The following ABHD2 variants were observed in gnomAD, a reference collection of about 807,000 sequenced individuals.
ABHD2 encodes the protein abhydrolase domain containing 2, acylglycerol lipase, also known as monoacylglycerol lipase ABHD2.
In ABHD2, 20 loss-of-function variants were observed where a neutral mutation model predicts 48.1. That is an observed-to-expected ratio of 0.42 (90% CI 0.29 to 0.60). The LOEUF (loss-of-function observed/expected upper bound fraction) is 0.60, where lower values mean the gene tolerates loss of function less well. Among genes scored for constraint, ABHD2 ranks in the 20% least tolerant of loss-of-function variants. ABHD2 has a pLI of 0.24. For synonymous variants in ABHD2, 209 were observed against 214.2 expected (o/e 0.98, Z 0.21); for missense variants, 405 against 550.9 (o/e 0.74, Z 2.65).
intron 5 of ABHD2, among the ~76,000 whole-genome samples, chr15:89,157,545 A>G (rs964508756): frequency 1.3e-5 from 2 of 152,164 alleles, no homozygotes; most frequent in African/African-American, 4.8e-5. Context: ...CAGTAGCTTG[A>G]AAATATAGGT....
intron 1 of ABHD2, among the ~76,000 whole-genome samples, chr15:89,101,647 G>A (rs2049702470): frequency 6.6e-6 from 1 of 152,198 alleles, no homozygotes; most frequent in Admixed American, 6.5e-5. Context: ...CAACAGAGAT[G>A]AAAGAGATAT....
chr15:89,085,683 C>T (rs1397056259), upstream of ABHD2, among the ~76,000 whole-genome samples: 1 of 152,182 alleles, frequency 6.6e-6, no homozygotes, highest in Non-Finnish European at 1.5e-5. The surrounding 1 kb of genome is among the most constrained non-coding windows in gnomAD (Gnocchi z 4.2). Flanking sequence ...GTGGCTGAAC[C>T]TATGTTCCTG....
At chr15:89,171,038 C>A (rs1186306325) in intron 5 of ABHD2, among the ~76,000 whole-genome samples, 1 of 152,120 alleles carries the variant, frequency 6.6e-6, no homozygotes, top group African/African-American at 2.4e-5. Flanking sequence ...ATCGTTTGAA[C>A]CCGGGAGGCA....
chr15:89,150,783 A>G (rs1470003592), intron 3 of ABHD2, among the ~76,000 whole-genome samples: 1 of 152,232 alleles, frequency 6.6e-6, no homozygotes, highest in East Asian at 1.9e-4. Context: ...TTTATATTAT[A>G]CGACTCCAGT....
chr15:89,158,717 T>C (rs982120260), intron 5 of ABHD2, among the ~76,000 whole-genome samples: 1 of 152,154 alleles, frequency 6.6e-6, no homozygotes, highest in Admixed American at 6.5e-5. Flanking sequence ...TGTTTTGTTT[T>C]GTTTTGTTTT....
chr15:89,164,965 A>G lies in ABHD2; in HGVS notation c.538+9431A>G, dbSNP rs1226494431. ...ATGACCTTACCTCTGCATCCAGTTCATACAGTTGACCTCATGTGAACTTTG... is the reference window on the plus strand; with the variant it reads ...ATGACCTTACCTCTGCATCCAGTTCGTACAGTTGACCTCATGTGAACTTTG... On this transcript the variant is annotated intron_variant, in intron 5 of 10. Coordinates refer to ENST00000352732, the MANE Select transcript of ABHD2 (RefSeq NM_152924.5). The surrounding 1 kb of genome is among the most constrained non-coding windows in gnomAD (Gnocchi z 5.0). 6.6e-6 allele frequency among the ~76,000 whole-genome samples: 1 copy of G among 152,236 alleles called. No homozygotes were observed. The highest frequency in any genetic ancestry group is 1.5e-5 in the Non-Finnish European group (1 of 68,028).
chr15:89,129,941 A>C (rs1198492771), intron 3 of ABHD2, among the ~76,000 whole-genome samples: 1 of 152,226 alleles, frequency 6.6e-6, no homozygotes, highest in Admixed American at 6.5e-5. Context: ...GACATAATGT[A>C]CACGAAGGTC....
At chr15:89,098,831 A>G (rs1008201932) in intron 1 of ABHD2, among the ~76,000 whole-genome samples, 12 of 152,238 alleles carry the variant, frequency 7.9e-5, no homozygotes, top group Non-Finnish European at 1.6e-4. Flanking sequence ...ACATCGCAAG[A>G]GAAATCAGCA....
the ABHD2 span, among the ~76,000 whole-genome samples, chr15:89,065,344 G>T: frequency 6.6e-6 from 1 of 152,130 alleles, no homozygotes; most frequent in Non-Finnish European, 1.5e-5. Flanking sequence ...TTAATTAAGG[G>T]TGTAGAATAA....
rs1000805638 is a variant in ABHD2 at position 89,154,701 on chromosome 15, T to C, written c.371-666T>C. Among the ~76,000 whole-genome samples, 7 of 152,254 alleles carry C rather than the reference T, an allele frequency of 4.6e-5. No homozygotes were observed. In the East Asian group the frequency reaches 1.3e-3, roughly 29 times the overall value. On this transcript the variant is annotated intron_variant, in intron 4 of 10. Transcript: ENST00000352732. ...TGGAAGAGCTTGCCACATGAGTGTA[T>C]ATAAAGATGTCTCATTATTTTTAAG...
upstream of ABHD2, among the ~76,000 whole-genome samples, chr15:89,085,704 A>G (rs112419877): frequency 6.6e-6 from 1 of 152,204 alleles, no homozygotes; most frequent in Non-Finnish European, 1.5e-5. This position sits in a 1 kb window ranked among gnomAD's most constrained non-coding sequence, Gnocchi z 4.2. Flanking sequence ...AGATGGGAGA[A>G]AAAAGCCATT....
At chr15:89,170,691 T>C (rs80327010) in intron 5 of ABHD2, among the ~76,000 whole-genome samples, 8,356 of 152,232 alleles carry the variant, frequency 0.055, 813 homozygotes, top group African/African-American at 0.19. Flanking sequence ...TACCCACACT[T>C]CTTCCAGTCC....
At chr15:89,087,879 T>G (rs1433678286), upstream of ABHD2, 1 of 152,224 alleles carries the variant, frequency 6.6e-6, no homozygotes, top group Non-Finnish European at 1.5e-5. This position sits in a 1 kb window ranked among gnomAD's most constrained non-coding sequence, Gnocchi z 5.5. Flanking sequence ...TTTCCTCTCC[T>G]TCGGGTTCGG....
chr15:89,074,597 A>G, the ABHD2 span, among the ~76,000 whole-genome samples: 1 of 152,196 alleles, frequency 6.6e-6, no homozygotes, highest in Admixed American at 6.5e-5. Context: ...AATGGAAATG[A>G]AAGAGTCTGG....
Position 89,184,587 on chromosome 15 carries a change from GTGTT to G in ABHD2, c.723-832_723-829del, listed in dbSNP as rs764836026. 3.3e-5 allele frequency among the ~76,000 whole-genome samples: 5 copies of G among 152,238 alleles called. No individual in the cohort carries two copies. Among genetic ancestry groups the G allele is most frequent in the Non-Finnish European group, 5.9e-5 (4 of 68,042 alleles). On this transcript the variant is annotated intron_variant, in intron 6 of 10. Transcript: ENST00000352732. The surrounding 1 kb of genome is among the most constrained non-coding windows in gnomAD (Gnocchi z 5.1). The stretch of plus-strand genomic sequence containing the variant: ...ATGGCTGGTGGGAGTGAGCCCACTG[GTGTT>G]TGTTCACCTGCTGTGTGGTCATGGA...
rs748983183 is a variant in ABHD2, at chr15:89,170,080, C to CTT, written c.539-5700_539-5699dup. 8.5e-3 allele frequency among the ~76,000 whole-genome samples: 320 copies of CTT among 37,498 alleles called. 90 individuals are homozygous for CTT. Among genetic ancestry groups the CTT allele is most frequent in the Admixed American group, 0.034 (63 of 1,852 alleles). 24.6% of individuals were successfully genotyped at this position (37,498 alleles called of 152,430 possible). The stretch of plus-strand genomic sequence containing the variant: ...GAGCCATTCCATGTCAGATCAGATT[C>CTT]TTTTTTTTTTTTTTTTTTTTTTTTT... On this transcript the variant is annotated intron_variant, in intron 5 of 10. Coordinates refer to ENST00000352732, the MANE Select transcript of ABHD2 (RefSeq NM_152924.5).
chr15:89,068,329 G>A, the ABHD2 span, among the ~76,000 whole-genome samples: 2 of 152,142 alleles, frequency 1.3e-5, no homozygotes, highest in Non-Finnish European at 2.9e-5. Flanking sequence ...TGCATACAGA[G>A]TCTTTGAGTC....
At chr15:89,117,061 A>C (rs549727725) in intron 3 of ABHD2, among the ~76,000 whole-genome samples, 300 of 152,250 alleles carry the variant, frequency 2.0e-3, no homozygotes, top group African/African-American at 7.0e-3. Flanking sequence ...AGTCTTGCTC[A>C]GTCACTCAGG....
Position 89,202,192 on chromosome 15 carries a change from AATT to A in ABHD2, c.*6772_*6774del, listed in dbSNP as rs1191984940. 1.2e-5 allele frequency: 2 copies of A among 162,544 alleles called. No individual in the cohort carries two copies. The highest frequency in any genetic ancestry group is 4.8e-5 in the African/African-American group (2 of 41,542). The allele number at this position is 162,544 out of a possible 1,614,324, so 10.1% of individuals were successfully genotyped here. ...ATGGGGATATTTACCTTTATTAAGA[AATT>A]ATACTAAACATTGATGTCCTTGATC... On this transcript the variant is annotated 3_prime_UTR_variant, in exon 11 of 11. Coordinates refer to ENST00000352732, the MANE Select transcript of ABHD2 (RefSeq NM_152924.5).
Sources: gnomAD v4.1 joint callset for allele counts (sites outside exome capture counted in the v4.1 genomes callset) on GRCh38, gnomAD v4.1.1 for gene constraint, Gnocchi (gnomAD v3.1) non-coding constraint, MANE v1.5 for transcripts, NCBI Gene and HGNC (gene_info 2026-07-23, HGNC 2026-07-21) for gene names.